Variants in CERKL observed in about 807,000 individuals in gnomAD.
CERKL encodes ceramide kinase-like protein.
In CERKL, 61 loss-of-function variants were observed where a neutral mutation model predicts 63.4. The ratio of observed to expected loss-of-function variants is 0.96; its 90% CI spans 0.78 to 1.19. CERKL has a LOEUF of 1.19. Among genes scored for constraint, CERKL ranks in the 50% most tolerant of loss-of-function variants. The pLI is 0.00. For synonymous variants in CERKL, 250 were observed against 230.5 expected (o/e 1.08, Z -0.77); for missense variants, 675 against 655.5 (o/e 1.03, Z -0.33).
rs564894394 is a variant in CERKL, at chr2:181,592,041, T to G, written c.481+11796A>C. ...GCCACATTAGAGAGTTTTAAGAAGT[T>G]TCTTAAAATGTCTTCACCTCTATAT... On this transcript the variant is annotated intron_variant, in intron 2 of 12. Coordinates refer to ENST00000410087, the MANE Select transcript of CERKL (RefSeq NM_201548.5). 1.7e-4 allele frequency among the ~76,000 whole-genome samples: 26 copies of G among 152,246 alleles called. No homozygotes were observed. The South Asian group carries it at 3.7e-3, about 22-fold the overall frequency.
At chr2:181,581,224 T>A (rs1684496745) in intron 2 of CERKL, among the ~76,000 whole-genome samples, 1 of 152,244 alleles carries the variant, frequency 6.6e-6, no homozygotes, top group East Asian at 1.9e-4. Context: ...ACGACTATCA[T>A]GTTCCCATGT....
intron 2 of CERKL, among the ~76,000 whole-genome samples, chr2:181,600,685 A>G (rs1382744709): frequency 6.6e-6 from 1 of 152,236 alleles, no homozygotes; most frequent in African/African-American, 2.4e-5. Context: ...TATGCACTCA[A>G]TGTTGGAGCA....
intron 5 of CERKL, among the ~76,000 whole-genome samples, chr2:181,554,039 C>G (rs1688099792): frequency 6.6e-6 from 1 of 151,764 alleles, no homozygotes; most frequent in Admixed American, 6.6e-5. Context: ...TTAACACTAC[C>G]AGAAACTTTG....
chr2:181,553,046 C>T (rs1283331559), intron 5 of CERKL, among the ~76,000 whole-genome samples: 1 of 152,104 alleles, frequency 6.6e-6, no homozygotes, highest in East Asian at 1.9e-4. Context: ...AACGTACATT[C>T]CTGGGTTCTA....
chr2:181,548,034 A>C, intron 8 of CERKL, 187 bp from the exon 9 acceptor site: 1 of 628,550 alleles, frequency 1.6e-6, no homozygotes, highest in Non-Finnish European at 2.8e-6. Flanking sequence ...GTGTTGATTC[A>C]TTTAAAGGTA....
At chr2:181,600,696 C>T (rs921721788) in intron 2 of CERKL, among the ~76,000 whole-genome samples, 2 of 152,110 alleles carry the variant, frequency 1.3e-5, no homozygotes, top group Non-Finnish European at 1.5e-5. Context: ...TGTTGGAGCA[C>T]CCAGGTTCAT....
At chr2:181,556,418 A>G (rs956649352) in intron 5 of CERKL, among the ~76,000 whole-genome samples, 9 of 147,908 alleles carry the variant, frequency 6.1e-5, no homozygotes, top group African/African-American at 2.0e-4. Context: ...AACAGGCCCC[A>G]GTGTGTGATG....
chr2:181,613,696 T>G (rs1233126416), intron 1 of CERKL, among the ~76,000 whole-genome samples: 2 of 152,226 alleles, frequency 1.3e-5, no homozygotes, highest in Non-Finnish European at 2.9e-5. Context: ...TGTATAACAA[T>G]AGACAAATGT....
At chr2:181,596,640 A>C (rs1371151295) in intron 2 of CERKL, among the ~76,000 whole-genome samples, 1 of 152,220 alleles carries the variant, frequency 6.6e-6, no homozygotes, top group African/African-American at 2.4e-5. Context: ...AATAATATTT[A>C]ATAAGAATAT....
chr2:181,558,788 A>T lies in CERKL; in HGVS notation c.678-80T>A. 2 of 1,448,372 alleles carry T rather than the reference A, an allele frequency of 1.4e-6. No individual in the cohort carries two copies. Among genetic ancestry groups the T allele is most frequent in the Non-Finnish European group, 1.9e-6 (2 of 1,036,892 alleles). The allele number at this position is 1,448,372 out of a possible 1,614,324, so 89.7% of individuals were successfully genotyped here. On this transcript the variant is annotated intron_variant, in intron 4 of 12. Coordinates refer to ENST00000410087, the MANE Select transcript of CERKL (RefSeq NM_201548.5). This position sits in a 1 kb window ranked among gnomAD's most constrained non-coding sequence, Gnocchi z 4.2. ...AGTCATGAAATCTAGACTTCAAAAT[A>T]GTTTACTAATTTGTAGTCTATGTGC... is the stretch of plus-strand genomic sequence containing the variant.
chr2:181,654,118 C>A (rs1214955656), intron 1 of CERKL, among the ~76,000 whole-genome samples: 1 of 151,198 alleles, frequency 6.6e-6, no homozygotes, highest in Non-Finnish European at 1.5e-5. Context: ...TTAAGAAGCA[C>A]ATGCATAACT....
chr2:181,616,891 TA>T (rs1402729222), intron 1 of CERKL, among the ~76,000 whole-genome samples: 1 of 152,234 alleles, frequency 6.6e-6, no homozygotes, highest in East Asian at 1.9e-4. Context: ...TTTCAGTGCT[TA>T]TGATAAATTA....
chr2:181,600,235 T>C (rs1191920476), intron 2 of CERKL, among the ~76,000 whole-genome samples: 1 of 152,202 alleles, frequency 6.6e-6, no homozygotes, highest in Non-Finnish European at 1.5e-5. Flanking sequence ...AGAACAATAC[T>C]TGCTACCATA....
intron 5 of CERKL, among the ~76,000 whole-genome samples, chr2:181,555,034 A>G (rs1172594492): frequency 6.6e-6 from 1 of 152,128 alleles, no homozygotes; most frequent in Admixed American, 6.6e-5. Context: ...AATACATAAA[A>G]TGCTCCCCAA....
intron 1 of CERKL, among the ~76,000 whole-genome samples, chr2:181,642,783 T>C (rs1192397265): frequency 5.9e-5 from 9 of 152,228 alleles, no homozygotes; most frequent in African/African-American, 2.2e-4. Flanking sequence ...TAATCAAGCA[T>C]TGTATAAAAT....
chr2:181,611,510 T>TAAAC (rs553715419), intron 1 of CERKL, among the ~76,000 whole-genome samples: 19 of 151,614 alleles, frequency 1.3e-4, no homozygotes, highest in African/African-American at 4.4e-4. Flanking sequence ...AAATAAAAAA[T>TAAAC]AAACAAACAA....
At chr2:181,590,424 G>A (rs1018448284) in intron 2 of CERKL, among the ~76,000 whole-genome samples, 2 of 151,998 alleles carry the variant, frequency 1.3e-5, no homozygotes, top group Non-Finnish European at 2.9e-5. Context: ...ACAGGTGTGA[G>A]CCACTGCACC....
chr2:181,583,162 A>C (rs1323966428), intron 2 of CERKL, among the ~76,000 whole-genome samples: 1 of 147,894 alleles, frequency 6.8e-6, no homozygotes, highest in African/African-American at 2.5e-5. Flanking sequence ...TTCATTTAGA[A>C]AAAAAAAAAA....
rs769145827 is a variant in CERKL, at chr2:181,549,673, C to T, written c.856G>A (p.Val286Ile). The T allele has an allele frequency of 1.2e-6, 2 of 1,612,580 alleles. No individual in the cohort carries two copies. Among genetic ancestry groups the T allele is most frequent in the Middle Eastern group, 1.7e-4 (1 of 6,044 alleles). ...TNVLAHSLHGVPHVITATLHI... is the reference protein window; with the variant it reads ...TNVLAHSLHGIPHVITATLHI... ...AATGTTGCAGTTATCACATGAGGAA[C>T]TCCATGAAGAGAATGTGCCAATACA... is the stretch of plus-strand genomic sequence containing the variant. Residue 286 changes from valine to isoleucine, a missense_variant, in exon 6 of 13, where the codon GTT (valine) becomes ATT (isoleucine). Coordinates refer to ENST00000410087, the MANE Select transcript of CERKL (RefSeq NM_201548.5).
Sources: allele counts gnomAD v4.1 joint callset (sites outside exome capture counted in the v4.1 genomes callset), GRCh38; gene constraint gnomAD v4.1.1; non-coding constraint Gnocchi (gnomAD v3.1); transcripts MANE v1.5; gene names NCBI Gene and HGNC (gene_info 2026-07-23, HGNC 2026-07-21).